The following SERPINB7 variants were observed in gnomAD, a reference collection of about 807,000 sequenced individuals.
The protein encoded by SERPINB7 is serpin family B member 7.
In SERPINB7, 31 loss-of-function variants were observed where a neutral mutation model predicts 37.4. That is an observed-to-expected ratio of 0.83 (90% CI 0.62 to 1.12). The LOEUF (loss-of-function observed/expected upper bound fraction) is 1.12, where lower values mean the gene tolerates loss of function less well. SERPINB7 is among the 50% of genes most tolerant of loss of function. The pLI is 0.00. For missense variants in SERPINB7, 521 were observed against 455.3 expected (o/e 1.14, Z -1.31); for synonymous variants, 163 against 166.1 (o/e 0.98, Z 0.14).
At chr18:63,771,052 G>A (rs191292303), upstream of SERPINB7, among the ~76,000 whole-genome samples, 2 of 150,284 alleles carry the variant, frequency 1.3e-5, no homozygotes, top group East Asian at 3.9e-4. Context: ...GTGGGGTGGG[G>A]TGGGTAGGTC....
rs572430457 is a variant in SERPINB7 at position 63,790,751 on chromosome 18, G to C, written c.169-1642G>C. On this transcript the variant is annotated intron_variant, in intron 2 of 7. Coordinates refer to ENST00000398019, the MANE Select transcript of SERPINB7 (RefSeq NM_003784.4). The stretch of plus-strand genomic sequence containing the variant: ...GAAGGGGAGAAAGAAAGAGTTTTAA[G>C]TGTTCATATGGATTTGACCCAGCCA... Among the ~76,000 whole-genome samples, 4 of 152,226 alleles carry C rather than the reference G, an allele frequency of 2.6e-5. No homozygotes were observed. In the South Asian group the frequency reaches 8.3e-4, roughly 32 times the overall value.
intron 3 of SERPINB7, 123 bp downstream of exon 3, chr18:63,792,566 C>T: frequency 1.6e-6 from 1 of 618,950 alleles, no homozygotes; most frequent in Non-Finnish European, 2.9e-6. Context: ...AGTTCAAGAC[C>T]AGCCTGGGCA....
intron 1 of SERPINB7, among the ~76,000 whole-genome samples, chr18:63,782,143 A>G (rs2049306564): frequency 1.3e-5 from 2 of 152,204 alleles, no homozygotes; most frequent in Non-Finnish European, 1.5e-5. Flanking sequence ...GAGGACAGAA[A>G]TGTCCACCAA....
chr18:63,787,506 A>G (rs1257291787), intron 2 of SERPINB7, among the ~76,000 whole-genome samples: 1 of 152,178 alleles, frequency 6.6e-6, no homozygotes, highest in Non-Finnish European at 1.5e-5. Context: ...CTGGATAGTT[A>G]TATAATTTTA....
At chr18:63,784,049 T>C (rs150478537) in intron 2 of SERPINB7, among the ~76,000 whole-genome samples, 114 of 152,292 alleles carry the variant, frequency 7.5e-4, no homozygotes, top group Middle Eastern at 3.4e-3. Context: ...TAGTAACAAC[T>C]ATCTGCTGAG....
At chr18:63,765,861 A>C (rs966361886) in intron 1 of SERPINB7, among the ~76,000 whole-genome samples, 1 of 152,124 alleles carries the variant, frequency 6.6e-6, no homozygotes, top group South Asian at 2.1e-4. Context: ...GATTAATTTG[A>C]CAGGTTTCAA....
At chr18:63,764,892 A>T (rs573551937) in intron 1 of SERPINB7, among the ~76,000 whole-genome samples, 1 of 152,322 alleles carries the variant, frequency 6.6e-6, no homozygotes, top group South Asian at 2.1e-4. Context: ...AGAGGTGAGT[A>T]ATTAGGCATT....
intron 3 of SERPINB7, among the ~76,000 whole-genome samples, 195 bp downstream of exon 3, chr18:63,792,638 G>T (rs546606807): frequency 1.3e-5 from 2 of 152,246 alleles, no homozygotes; most frequent in South Asian, 2.1e-4. Flanking sequence ...CAGCTACTTG[G>T]GGGGCTATGG....
chr18:63,783,226 GAGAGAGAGAAA>G (rs2049326735), intron 2 of SERPINB7, among the ~76,000 whole-genome samples: 1 of 62,770 alleles, frequency 1.6e-5, no homozygotes, highest in Non-Finnish European at 3.3e-5. Context: ...GAGAGAGAGA[GAGAGAGAGAAA>G]GAAAGAAAGA....
intron 2 of SERPINB7, among the ~76,000 whole-genome samples, chr18:63,785,800 T>C (rs934693583): frequency 6.6e-6 from 1 of 150,688 alleles, no homozygotes; most frequent in African/African-American, 2.4e-5. Flanking sequence ...TGTTTGAATA[T>C]AAAAGTATTA....
chr18:63,802,711 G>A (rs1468182660), intron 7 of SERPINB7, among the ~76,000 whole-genome samples: 1 of 152,150 alleles, frequency 6.6e-6, no homozygotes, highest in Non-Finnish European at 1.5e-5. Flanking sequence ...GGAATAACAG[G>A]ACAGGGGAAT....
intron 4 of SERPINB7, 151 bp from the exon 5 acceptor site, chr18:63,796,115 A>T: frequency 1.9e-6 from 1 of 517,256 alleles, no homozygotes; most frequent in East Asian, 3.2e-5. Flanking sequence ...TTCCAGTCCC[A>T]TTTCCATATA....
chr18:63,761,884 CA>C (rs2049156228), intron 1 of SERPINB7, among the ~76,000 whole-genome samples: 1 of 152,094 alleles, frequency 6.6e-6, no homozygotes, highest in African/African-American at 2.4e-5. Context: ...ATCAGCCGTG[CA>C]AAAACAGACT....
intron 2 of SERPINB7, among the ~76,000 whole-genome samples, chr18:63,791,486 A>G (rs1300939470): frequency 6.6e-6 from 1 of 152,232 alleles, no homozygotes; most frequent in Non-Finnish European, 1.5e-5. Context: ...CTTAACAAAT[A>G]TTAAATTAAC....
intron 1 of SERPINB7, among the ~76,000 whole-genome samples, chr18:63,755,652 GGAGACT>G (rs2049117703): frequency 1.3e-5 from 2 of 152,086 alleles, no homozygotes; most frequent in African/African-American, 4.8e-5. Context: ...CAGCACTTTG[GGAGACT>G]GAGGTGGGAG....
intron 5 of SERPINB7, among the ~76,000 whole-genome samples, chr18:63,796,617 A>C (rs2049491512): frequency 6.6e-6 from 1 of 152,206 alleles, no homozygotes; most frequent in African/African-American, 2.4e-5. Context: ...TATCTCATTT[A>C]ATTGGCAAAA....
chr18:63,783,463 AT>A (rs2049334629), intron 2 of SERPINB7, among the ~76,000 whole-genome samples: 1 of 152,108 alleles, frequency 6.6e-6, no homozygotes, highest in East Asian at 1.9e-4. Context: ...TTCCAATGAC[AT>A]CCCAGTTTAA....
At chr18:63,775,809 C>G (rs1277443352) in intron 1 of SERPINB7, 93 bp downstream of exon 1, 1 of 152,122 alleles carries the variant, frequency 6.6e-6, no homozygotes, top group Non-Finnish European at 1.5e-5. Context: ...ACTAACGAAT[C>G]TCAAGGAAGA....
upstream of SERPINB7, chr18:63,775,297 A>C (rs757465796): frequency 6.6e-6 from 1 of 152,184 alleles, no homozygotes; most frequent in Non-Finnish European, 1.5e-5. Context: ...ACTACATAAC[A>C]ACCACCTTAG....
Sources: allele counts gnomAD v4.1 joint callset (sites outside exome capture counted in the v4.1 genomes callset), GRCh38; gene constraint gnomAD v4.1.1; transcripts MANE v1.5; gene names NCBI Gene and HGNC (gene_info 2026-07-23, HGNC 2026-07-21).